Variants in SORCS1 observed in about 807,000 individuals in gnomAD.
SORCS1 encodes the protein VPS10 domain-containing receptor SorCS1.
A neutral mutation model predicts 146.1 loss-of-function variants in SORCS1; 60 were observed. The observed-to-expected ratio is 0.41, with a 90% confidence interval of 0.33 to 0.51. The LOEUF (loss-of-function observed/expected upper bound fraction) is 0.51, where lower values mean the gene tolerates loss of function less well. Among genes scored for constraint, SORCS1 ranks in the 20% least tolerant of loss-of-function variants. The probability of loss-of-function intolerance (pLI) is 0.21; values close to 1 mark genes in which losing one functional copy is unlikely to be tolerated. For synonymous variants in SORCS1, 637 were observed against 584.0 expected (o/e 1.09, Z -1.31); for missense variants, 1,352 against 1,487.6 (o/e 0.91, Z 1.50).
intron 1 of SORCS1, among the ~76,000 whole-genome samples, chr10:107,129,383 C>T (rs1484727226): frequency 6.6e-6 from 1 of 152,074 alleles, no homozygotes; most frequent in Non-Finnish European, 1.5e-5. Flanking sequence ...GTTCCTTCAA[C>T]GTTAAGAGAA....
chr10:107,143,750 C>T (rs569916947), intron 1 of SORCS1, among the ~76,000 whole-genome samples: 31 of 152,146 alleles, frequency 2.0e-4, no homozygotes, highest in South Asian at 1.9e-3. Flanking sequence ...GTGATCTGCC[C>T]GCCTTGGCCT....
intron 2 of SORCS1, among the ~76,000 whole-genome samples, chr10:106,929,817 G>C (rs1006577384): frequency 6.6e-6 from 1 of 152,042 alleles, no homozygotes; most frequent in Non-Finnish European, 1.5e-5. Context: ...CAGAGCACTT[G>C]GTTGCTGAGA....
chr10:106,659,867 TTTAAGAAAGGTTTTC>T (rs1272592354), intron 17 of SORCS1, among the ~76,000 whole-genome samples: 1 of 152,196 alleles, frequency 6.6e-6, no homozygotes, highest in African/African-American at 2.4e-5. Context: ...GAAAACCTCA[TTTAAGAAAGGTTTTC>T]TTAAGAAAGT....
At chr10:107,001,869 A>C (rs958165667) in intron 1 of SORCS1, among the ~76,000 whole-genome samples, 34 of 152,226 alleles carry the variant, frequency 2.2e-4, no homozygotes, top group Admixed American at 2.2e-3. Context: ...TGGCTCTAAA[A>C]GGATTCACAC....
At chr10:106,948,001 T>C (rs1954445657) in intron 2 of SORCS1, among the ~76,000 whole-genome samples, 2 of 152,210 alleles carry the variant, frequency 1.3e-5, no homozygotes, top group Non-Finnish European at 1.5e-5. Context: ...ACAATATGCA[T>C]ACTCTGGGAT....
intron 1 of SORCS1, among the ~76,000 whole-genome samples, chr10:107,154,865 T>C (rs1055889381): frequency 1.4e-4 from 22 of 152,214 alleles, no homozygotes; most frequent in African/African-American, 4.8e-4. Flanking sequence ...TAAGAAGTTA[T>C]ACTATCTCTG....
At chr10:106,639,102 A>G (rs936982298) in intron 18 of SORCS1, among the ~76,000 whole-genome samples, 32 of 152,206 alleles carry the variant, frequency 2.1e-4, no homozygotes, top group Admixed American at 9.8e-4. Flanking sequence ...ACTGCACATT[A>G]ATGGTAGACC....
intron 6 of SORCS1, among the ~76,000 whole-genome samples, chr10:106,712,744 A>G (rs1164171000): frequency 6.6e-6 from 1 of 152,220 alleles, no homozygotes; most frequent in African/African-American, 2.4e-5. Context: ...TTGGGAACAC[A>G]CTTAAAAAGA....
At chr10:107,042,673 A>G (rs1959178129) in intron 1 of SORCS1, among the ~76,000 whole-genome samples, 1 of 150,820 alleles carries the variant, frequency 6.6e-6, no homozygotes, top group African/African-American at 2.4e-5. Flanking sequence ...GCAGTGGTGC[A>G]ATCTCGGCTC....
intron 1 of SORCS1, among the ~76,000 whole-genome samples, chr10:106,965,889 A>G (rs139944805): frequency 6.6e-6 from 1 of 152,222 alleles, no homozygotes; most frequent in African/African-American, 2.4e-5. Flanking sequence ...TTGCTGGAAT[A>G]TATTTTCCTG....
intron 1 of SORCS1, among the ~76,000 whole-genome samples, chr10:107,097,762 G>GT (rs1344164697): frequency 5.3e-5 from 8 of 152,166 alleles, no homozygotes; most frequent in Non-Finnish European, 1.5e-5. Flanking sequence ...TAGTGCCTGG[G>GT]TGCTTTCTTA....
At chr10:107,127,597 G>A (rs1336091077) in intron 1 of SORCS1, among the ~76,000 whole-genome samples, 6 of 152,140 alleles carry the variant, frequency 3.9e-5, no homozygotes, top group Admixed American at 2.6e-4. Context: ...ACAAACAATT[G>A]GCTCTAGTCA....
At chr10:106,817,726 A>T (rs1478323259) in intron 3 of SORCS1, among the ~76,000 whole-genome samples, 1 of 152,306 alleles carries the variant, frequency 6.6e-6, no homozygotes, top group African/African-American at 2.4e-5. Flanking sequence ...CTCATTTCCA[A>T]CTACATAGTT....
At chr10:106,895,786 T>C (rs1333908367) in intron 2 of SORCS1, among the ~76,000 whole-genome samples, 1 of 152,178 alleles carries the variant, frequency 6.6e-6, no homozygotes, top group Non-Finnish European at 1.5e-5. Flanking sequence ...CTCTTAGGTG[T>C]ATGTCCAAAC....
chr10:106,789,624 T>G (rs1946219728), intron 3 of SORCS1, among the ~76,000 whole-genome samples: 1 of 152,226 alleles, frequency 6.6e-6, no homozygotes. Context: ...CTTCACTGTT[T>G]ATATCACTAA....
At chr10:106,731,292 CAAAAAAAAAAAAAAAA>C (rs57238882) in intron 5 of SORCS1, among the ~76,000 whole-genome samples, 2 of 23,762 alleles carry the variant, frequency 8.4e-5, no homozygotes, top group Admixed American at 3.7e-4. Flanking sequence ...GACTCCGTCT[CAAAAAAAAAAAAAAAA>C]AAAAAAAAAA....
chr10:107,179,945 C>T, the SORCS1 span, among the ~76,000 whole-genome samples: 9 of 99,892 alleles, frequency 9.0e-5, no homozygotes, highest in African/African-American at 1.5e-4. Context: ...GAGACGGGGT[C>T]TCTCTCTGTC....
chr10:106,686,489 C>A (rs1219380865), intron 10 of SORCS1, among the ~76,000 whole-genome samples: 1 of 152,204 alleles, frequency 6.6e-6, no homozygotes, highest in African/African-American at 2.4e-5. Flanking sequence ...ATATCCCATG[C>A]ATCTTTGGTT....
At chr10:106,919,335 C>A (rs1952594665) in intron 2 of SORCS1, among the ~76,000 whole-genome samples, 1 of 152,192 alleles carries the variant, frequency 6.6e-6, no homozygotes, top group Non-Finnish European at 1.5e-5. Flanking sequence ...CCCTTCAGAT[C>A]CCAGTGACTC....
Sources: gnomAD v4.1 joint callset for allele counts (sites outside exome capture counted in the v4.1 genomes callset) on GRCh38, gnomAD v4.1.1 for gene constraint, MANE v1.5 for transcripts, NCBI Gene and HGNC (gene_info 2026-07-23, HGNC 2026-07-21) for gene names.